Variants in AHI1 observed in about 807,000 individuals in gnomAD.
The protein encoded by AHI1 is Abelson helper integration site 1.
In AHI1, 123 loss-of-function variants were observed where a neutral mutation model predicts 149.3. The observed-to-expected ratio is 0.82, with a 90% confidence interval of 0.71 to 0.96. The LOEUF is 0.96. AHI1 is among the 40% of genes least tolerant of loss of function. The pLI is 0.00. For synonymous variants in AHI1, 475 were observed against 459.8 expected, an observed-to-expected ratio of 1.03 and a Z score of -0.42; for missense variants, 1,439 against 1,422.7, an observed-to-expected ratio of 1.01 and a Z score of -0.18.
chr6:135,310,218 CT>C (rs1349155138), intron 26 of AHI1, among the ~76,000 whole-genome samples: 1 of 151,954 alleles, frequency 6.6e-6, no homozygotes, highest in Non-Finnish European at 1.5e-5. Context: ...AGATTCATTC[CT>C]GGTACAGGGA....
At chr6:135,443,775 C>T (rs2128048862) in intron 13 of AHI1, among the ~76,000 whole-genome samples, 1 of 152,294 alleles carries the variant, frequency 6.6e-6, no homozygotes, top group Middle Eastern at 3.4e-3. Flanking sequence ...ACTCCATGCT[C>T]CCCATCCTTT....
At position 135,471,856 on chromosome 6, in the gene AHI1, C is replaced by A. The variant is rs181218456; in HGVS notation, c.136-4222G>T. 3.0e-3 allele frequency among the ~76,000 whole-genome samples: 447 copies of A among 150,914 alleles called. 6 individuals are homozygous for A. The highest frequency in any genetic ancestry group is 0.014 in the Middle Eastern group (4 of 290). ...TGAAACCCCGTCTCTACTAAAAATA[C>A]AAAAAATTAGCCGGGCGCGGTGGCG... On this transcript the variant is annotated intron_variant, in intron 5 of 28. Coordinates refer to ENST00000265602, the MANE Select transcript of AHI1 (RefSeq NM_001134831.2).
rs199926127 is a variant in AHI1, at chr6:135,455,842, C to T, written c.1236G>A (p.Gln412=). ...CCCACTCTGGAAGTCTTGATTTTAA[C>T]TGTTTAAAATCATATGGCTGGGTCA... ...PIMTQPYDFK[Q]LKSRLPEWEE... Residue 412 remains glutamine (Q), a synonymous_variant, in exon 10 of 29, where the codon CAG becomes CAA. Coordinates refer to ENST00000265602, the MANE Select transcript of AHI1 (RefSeq NM_001134831.2). 8 of 1,597,704 alleles carry T rather than the reference C, an allele frequency of 5.0e-6. No individual in the cohort carries two copies. In the Admixed American group the frequency reaches 1.4e-4, roughly 27 times the overall value.
chr6:135,329,708 C>T (rs908018151), intron 24 of AHI1, among the ~76,000 whole-genome samples: 1 of 152,166 alleles, frequency 6.6e-6, no homozygotes, highest in Non-Finnish European at 1.5e-5. Flanking sequence ...TTTCTTAAGT[C>T]CATAGCTGAC....
intron 12 of AHI1, among the ~76,000 whole-genome samples, chr6:135,448,070 T>G (rs1008452568): frequency 6.6e-6 from 1 of 152,208 alleles, no homozygotes; most frequent in Non-Finnish European, 1.5e-5. Flanking sequence ...AAAATCAAAT[T>G]ATAACAAAAC....
intron 24 of AHI1, among the ~76,000 whole-genome samples, chr6:135,349,077 T>C (rs557222745): frequency 6.6e-6 from 1 of 152,190 alleles, no homozygotes. Context: ...CTTGAACTCC[T>C]GGGCTCAAGT....
Position 135,436,065 on chromosome 6 carries a change from G to T in AHI1, c.2036+2310C>A, listed in dbSNP as rs371016860. Reference sequence around the variant, plus strand: ...TGAGGTGGCAATGGGCCATTCAAATGGAAACGTGTAATAGGAAGTCAAATT... The same window carrying T: ...TGAGGTGGCAATGGGCCATTCAAATTGAAACGTGTAATAGGAAGTCAAATT... On this transcript the variant is annotated intron_variant, in intron 15 of 28. Coordinates refer to ENST00000265602, the MANE Select transcript of AHI1 (RefSeq NM_001134831.2). 7.9e-5 allele frequency among the ~76,000 whole-genome samples: 12 copies of T among 152,262 alleles called. 1 individual carries two copies. Among genetic ancestry groups the T allele is most frequent in the East Asian group, 1.9e-4 (1 of 5,182 alleles).
At chr6:135,430,712 A>G (rs975171044) in intron 17 of AHI1, among the ~76,000 whole-genome samples, 8 of 151,974 alleles carry the variant, frequency 5.3e-5, no homozygotes, top group African/African-American at 1.9e-4. Flanking sequence ...AAATGAAAGA[A>G]CTTATTCATT....
intron 22 of AHI1, among the ~76,000 whole-genome samples, chr6:135,397,106 T>C (rs1440051989): frequency 6.6e-6 from 1 of 151,912 alleles, no homozygotes; most frequent in Non-Finnish European, 1.5e-5. Flanking sequence ...CAAATGTCCA[T>C]AAAGTGATGA....
At chr6:135,394,976 T>G (rs1322646261) in intron 22 of AHI1, 80 bp from the exon 23 acceptor site, 28 of 1,444,016 alleles carry the variant, frequency 1.9e-5, no homozygotes, top group Non-Finnish European at 2.5e-5. Flanking sequence ...AAATATTTGC[T>G]TATTATACAA....
chr6:135,465,865 T>C lies in AHI1; in HGVS notation c.698A>G (p.Glu233Gly). The C allele has an allele frequency of 6.7e-7, 1 of 1,498,342 alleles. No individual in the cohort carries two copies. Among genetic ancestry groups the C allele is most frequent in the Non-Finnish European group, 8.9e-7 (1 of 1,128,052 alleles). The allele number at this position is 1,498,342 out of a possible 1,614,324, so 92.8% of individuals were successfully genotyped here. The part of the protein sequence containing the change: ...TLFHDDKLSS[E>G]KRKKKKEVPV... ...AACTTCCTTTTTCTTTTTCCTTTTT[T>C]CACTGCTTAGTTTGTCATCATGGAA... is the stretch of plus-strand genomic sequence containing the variant. The change falls in exon 7 of 29, where the codon GAA becomes GGA. Residue 233 changes from glutamate to glycine, a missense_variant. By Grantham distance (98) the Glu-to-Gly change is moderately conservative (BLOSUM62 -2). Transcript: ENST00000265602.
intron 23 of AHI1, among the ~76,000 whole-genome samples, chr6:135,392,090 A>G (rs1420927194): frequency 6.6e-6 from 1 of 152,116 alleles, no homozygotes; most frequent in Non-Finnish European, 1.5e-5. Context: ...TTCTGGTGAC[A>G]CTTTGTTTAC....
rs41288013 is a variant in AHI1, at chr6:135,411,511, T to C, written c.2798A>G (p.Tyr933Cys). 4.8e-3 allele frequency: 7,747 copies of C among 1,604,136 alleles called. 26 individuals are homozygous for C. Among genetic ancestry groups the C allele is most frequent in the Middle Eastern group, 8.8e-3 (53 of 6,008 alleles). Residue 933 changes from tyrosine to cysteine, a missense_variant, in exon 21 of 29, where the codon TAC becomes TGC. By Grantham distance (194) the Tyr-to-Cys change is radical. Transcript: ENST00000265602. Reference sequence around the variant, plus strand: ...TCCAGGTAATGGAAATGTTCCATTGTAGCGTTTGAACATTTCAGCCTCCTG... The same window carrying C: ...TCCAGGTAATGGAAATGTTCCATTGCAGCGTTTGAACATTTCAGCCTCCTG... Reference protein sequence around the residue: ...AQQEAEMFKRYNGTFPLPGIH... With the variant: ...AQQEAEMFKRCNGTFPLPGIH...
intron 23 of AHI1, among the ~76,000 whole-genome samples, chr6:135,364,921 AAGAGGGAGAGGG>A (rs767567623): frequency 2.6e-4 from 39 of 151,128 alleles, no homozygotes; most frequent in East Asian, 7.9e-4. Context: ...GAGGAAGAGG[AAGAGGGAGAGGG>A]AGAGGGAGAG....
At chr6:135,388,664 T>C (rs573288316) in intron 23 of AHI1, among the ~76,000 whole-genome samples, 37 of 152,302 alleles carry the variant, frequency 2.4e-4, no homozygotes, top group African/African-American at 8.9e-4. Context: ...TTTTAAGAGC[T>C]GGTCAAGGGA....
At chr6:135,335,168 T>C (rs1475640121) in intron 24 of AHI1, among the ~76,000 whole-genome samples, 1 of 152,218 alleles carries the variant, frequency 6.6e-6, no homozygotes, top group East Asian at 1.9e-4. Flanking sequence ...TCTTGCTTAG[T>C]TTCCCACATG....
chr6:135,286,782 T>C (rs1185498135), intron 28 of AHI1, among the ~76,000 whole-genome samples: 1 of 152,214 alleles, frequency 6.6e-6, no homozygotes, highest in Non-Finnish European at 1.5e-5. Flanking sequence ...GTATCATATA[T>C]AGAAGCCCAA....
At position 135,463,302 on chromosome 6, in the gene AHI1, A is replaced by C; in HGVS notation, c.754T>G (p.Leu252Val). The C allele has an allele frequency of 6.2e-7, 1 of 1,600,224 alleles. No individual in the cohort carries two copies. The highest frequency in any genetic ancestry group is 8.5e-7 in the Non-Finnish European group (1 of 1,175,736). ...PVFSKAETST[L>V]TISGDTVEGE... is the part of the protein sequence containing the mutation. ...TCAACTGTGTCACCAGAGATGGTCAATGTACTACAAATATAATCCAAGTAT... is the reference window on the plus strand; with the variant it reads ...TCAACTGTGTCACCAGAGATGGTCACTGTACTACAAATATAATCCAAGTAT... Residue 252 changes from leucine (L) to valine (V), a missense_variant, in exon 8 of 29, where the codon TTG (leucine) becomes GTG (valine). By Grantham distance (32) the Leu-to-Val change is conservative. Transcript: ENST00000265602.
chr6:135,389,307 TAAAA>T (rs773530746), intron 23 of AHI1, among the ~76,000 whole-genome samples: 1 of 96,912 alleles, frequency 1.0e-5, no homozygotes, highest in Non-Finnish European at 2.1e-5. Context: ...AGACTCTGTC[TAAAA>T]AAAAAAAAAA....
Sources: allele counts gnomAD v4.1 joint callset (sites outside exome capture counted in the v4.1 genomes callset), GRCh38; gene constraint gnomAD v4.1.1; transcripts MANE v1.5; gene names NCBI Gene and HGNC (gene_info 2026-07-23, HGNC 2026-07-21).